NLGN1: variants seen among roughly 807,000 people sequenced by gnomAD.
NLGN1 encodes neuroligin-1.
Under a neutral mutation model 65.5 loss-of-function variants are expected in NLGN1, and 12 were observed. The ratio of observed to expected loss-of-function variants is 0.18; its 90% confidence interval spans 0.12 to 0.30. The LOEUF (loss-of-function observed/expected upper bound fraction) is 0.30. Ranked by LOEUF, NLGN1 falls within the 10% of genes least tolerant of loss-of-function variation. The pLI is 1.00. For synonymous variants in NLGN1, 350 were observed against 359.5 expected (o/e 0.97, Z 0.30); for missense variants, 750 against 1,007.1 (o/e 0.74, Z 3.46).
chr3:173,780,942 C>A (rs1472418787), intron 3 of NLGN1, among the ~76,000 whole-genome samples: 1 of 151,886 alleles, frequency 6.6e-6, no homozygotes, highest in East Asian at 1.9e-4. Context: ...GAGATCGAGA[C>A]CATCATGCCT....
intron 4 of NLGN1, among the ~76,000 whole-genome samples, chr3:174,241,491 C>T (rs1742800196): frequency 6.6e-6 from 1 of 151,146 alleles, no homozygotes; most frequent in Admixed American, 6.6e-5. Flanking sequence ...TAGACCTGCA[C>T]TTATCCACCA....
At chr3:173,703,158 C>T (rs1767512113) in intron 3 of NLGN1, among the ~76,000 whole-genome samples, 1 of 151,234 alleles carries the variant, frequency 6.6e-6, no homozygotes, top group African/African-American at 2.4e-5. Flanking sequence ...GTAGAGATAA[C>T]TTCCATTTAT....
At chr3:173,692,579 G>A (rs1765627056) in intron 3 of NLGN1, among the ~76,000 whole-genome samples, 1 of 152,046 alleles carries the variant, frequency 6.6e-6, no homozygotes, top group Non-Finnish European at 1.5e-5. Context: ...TGCAGTGGGT[G>A]ATGAAAATCC....
chr3:174,023,845 CTGTGG>C (rs1219688208), intron 4 of NLGN1, among the ~76,000 whole-genome samples: 1 of 152,094 alleles, frequency 6.6e-6, no homozygotes, highest in Non-Finnish European at 1.5e-5. Context: ...CAGTCAGCAG[CTGTGG>C]ATTTTATGTG....
chr3:173,808,119 C>A (rs575492815), intron 4 of NLGN1, among the ~76,000 whole-genome samples: 39 of 152,126 alleles, frequency 2.6e-4, no homozygotes, highest in African/African-American at 8.4e-4. Flanking sequence ...CATCTTTGAA[C>A]AAATATTTCC....
At chr3:173,988,314 CT>C (rs766480573) in intron 4 of NLGN1, among the ~76,000 whole-genome samples, 7 of 152,090 alleles carry the variant, frequency 4.6e-5, no homozygotes, top group Non-Finnish European at 1.0e-4. Context: ...TGTTTAAATG[CT>C]TTTTCTTTGT....
intron 4 of NLGN1, among the ~76,000 whole-genome samples, chr3:174,123,723 CT>C (rs1430203223): frequency 2.0e-5 from 3 of 152,110 alleles, no homozygotes; most frequent in African/African-American, 7.2e-5. Flanking sequence ...CCATATTAAT[CT>C]TCCTGTGAAA....
chr3:173,922,137 C>T (rs1742138557), intron 4 of NLGN1, among the ~76,000 whole-genome samples: 1 of 151,988 alleles, frequency 6.6e-6, no homozygotes, highest in African/African-American at 2.4e-5. Flanking sequence ...TACAACTGCA[C>T]ATATTAACGA....
intron 4 of NLGN1, among the ~76,000 whole-genome samples, chr3:173,945,835 C>G (rs1747039603): frequency 6.6e-6 from 1 of 152,152 alleles, no homozygotes; most frequent in Admixed American, 6.5e-5. Context: ...GTCAATCTTC[C>G]ACTCTATATG....
intron 4 of NLGN1, among the ~76,000 whole-genome samples, chr3:174,043,520 G>T (rs1019403339): frequency 1.3e-4 from 20 of 152,068 alleles, no homozygotes; most frequent in African/African-American, 4.8e-4. Context: ...GGAGCTACAG[G>T]CCCCATGCAA....
chr3:173,920,669 C>T (rs1444486302), intron 4 of NLGN1: 1 of 152,110 alleles, frequency 6.6e-6, no homozygotes, highest in Non-Finnish European at 1.5e-5. Context: ...TTCACAACCC[C>T]TGGTTCAACC....
chr3:173,723,487 T>C (rs1771208428), intron 3 of NLGN1, among the ~76,000 whole-genome samples: 1 of 152,186 alleles, frequency 6.6e-6, no homozygotes, highest in African/African-American at 2.4e-5. Flanking sequence ...CTCATTTCAA[T>C]GTTGAATCAT....
At chr3:173,818,253 A>G (rs1719445169) in intron 4 of NLGN1, among the ~76,000 whole-genome samples, 1 of 152,212 alleles carries the variant, frequency 6.6e-6, no homozygotes, top group African/African-American at 2.4e-5. Flanking sequence ...TGAACAAAAC[A>G]TTGAATGACA....
chr3:173,912,946 G>T (rs1400689455), intron 4 of NLGN1, among the ~76,000 whole-genome samples: 1 of 152,086 alleles, frequency 6.6e-6, no homozygotes, highest in Non-Finnish European at 1.5e-5. Flanking sequence ...TATAAGGAAA[G>T]AAAACAGTAT....
intron 4 of NLGN1, among the ~76,000 whole-genome samples, chr3:173,862,431 G>A (rs1729302954): frequency 1.4e-5 from 2 of 145,662 alleles, no homozygotes; most frequent in East Asian, 2.1e-4. Context: ...GCGTGAACCC[G>A]GGAGACGGAG....
chr3:174,261,166 A>G (rs1450911013), intron 4 of NLGN1, among the ~76,000 whole-genome samples: 1 of 152,160 alleles, frequency 6.6e-6, no homozygotes, highest in East Asian at 1.9e-4. Flanking sequence ...TTGGCGATGC[A>G]GGCTCTTTTT....
chr3:173,692,018 G>C (rs1483662274), intron 3 of NLGN1, among the ~76,000 whole-genome samples: 1 of 152,052 alleles, frequency 6.6e-6, no homozygotes, highest in Non-Finnish European at 1.5e-5. Context: ...GTGGTATCTT[G>C]AATGTTGTGG....
intron 3 of NLGN1, among the ~76,000 whole-genome samples, chr3:173,614,312 T>G (rs1358523163): frequency 2.6e-5 from 4 of 152,060 alleles, no homozygotes; most frequent in Admixed American, 6.6e-5. Context: ...ATAGCTACTC[T>G]CAGTAAAGGA....
chr3:173,520,796 G>A (rs1417996441), intron 2 of NLGN1, among the ~76,000 whole-genome samples: 5 of 152,148 alleles, frequency 3.3e-5, no homozygotes, highest in African/African-American at 1.2e-4. Context: ...TAAAAGAAGA[G>A]CCAATTTGAA....
Sources: gnomAD v4.1 joint callset for allele counts (sites outside exome capture counted in the v4.1 genomes callset) on GRCh38, gnomAD v4.1.1 for gene constraint, MANE v1.5 for transcripts, NCBI Gene and HGNC (gene_info 2026-07-23, HGNC 2026-07-21) for gene names.